KIAA1217: variants seen among roughly 807,000 people sequenced by gnomAD.
The protein encoded by KIAA1217 is KIAA1217, also known as sickle tail protein homolog.
A neutral mutation model predicts 163.9 loss-of-function variants in KIAA1217; 88 were observed. That is an observed-to-expected ratio of 0.54 (90% CI 0.45 to 0.64). The LOEUF is 0.64. Among genes scored for constraint, KIAA1217 ranks in the 30% least tolerant of loss-of-function variants. The probability of loss-of-function intolerance (pLI) is 0.00; values close to 1 mark genes in which losing one functional copy is unlikely to be tolerated. For missense variants in KIAA1217, 2,372 were observed against 2,475.0 expected, an observed-to-expected ratio of 0.96 and a Z score of 0.88; for synonymous variants, 903 against 923.1, an observed-to-expected ratio of 0.98 and a Z score of 0.39.
chr10:24,309,362 A>G (rs2042413283), intron 2 of KIAA1217, among the ~76,000 whole-genome samples: 1 of 151,572 alleles, frequency 6.6e-6, no homozygotes, highest in Non-Finnish European at 1.5e-5. Flanking sequence ...ACACACACAC[A>G]CACACACACA....
At chr10:24,198,586 A>G (rs1422085032) in intron 2 of KIAA1217, among the ~76,000 whole-genome samples, 4 of 151,564 alleles carry the variant, frequency 2.6e-5, no homozygotes, top group Admixed American at 6.6e-5. Context: ...TTATCTCGAA[A>G]AAAAAAAAAA....
intron 3 of KIAA1217, among the ~76,000 whole-genome samples, chr10:24,396,759 C>T (rs2130943583): frequency 6.6e-6 from 1 of 152,314 alleles, no homozygotes; most frequent in Non-Finnish European, 1.5e-5. Flanking sequence ...GGAATGATGT[C>T]AGAAAGGTAA....
intron 1 of KIAA1217, among the ~76,000 whole-genome samples, chr10:23,881,472 A>G (rs1238342309): frequency 6.6e-6 from 1 of 151,952 alleles, no homozygotes; most frequent in East Asian, 1.9e-4. Context: ...GGAAATGATG[A>G]CAAGCAGCAA....
chr10:23,837,997 C>G (rs1410228833), intron 1 of KIAA1217, among the ~76,000 whole-genome samples: 1 of 152,160 alleles, frequency 6.6e-6, no homozygotes, highest in African/African-American at 2.4e-5. Context: ...GCCAGCAGCC[C>G]TAACCCTCTT....
intron 2 of KIAA1217, among the ~76,000 whole-genome samples, chr10:24,238,531 GGA>G (rs1056095712): frequency 5.9e-5 from 9 of 152,052 alleles, no homozygotes; most frequent in African/African-American, 2.2e-4. Context: ...CAAAATATCT[GGA>G]TATGTTAGGA....
chr10:23,745,855 A>G (rs1339407690), intron 1 of KIAA1217, among the ~76,000 whole-genome samples: 1 of 152,232 alleles, frequency 6.6e-6, no homozygotes, highest in Non-Finnish European at 1.5e-5. Context: ...AATGAATAAA[A>G]TAATATGCAT....
At chr10:23,724,486 C>A (rs1838030333) in intron 1 of KIAA1217, among the ~76,000 whole-genome samples, 1 of 151,908 alleles carries the variant, frequency 6.6e-6, no homozygotes, top group Non-Finnish European at 1.5e-5. Context: ...TCATGCATTG[C>A]CTTTTATCTT....
At chr10:24,291,608 C>T (rs1486276654) in intron 2 of KIAA1217, among the ~76,000 whole-genome samples, 1 of 152,168 alleles carries the variant, frequency 6.6e-6, no homozygotes, top group African/African-American at 2.4e-5. Flanking sequence ...ACTTGTAAGG[C>T]AGTCTGTGGG....
intron 1 of KIAA1217, among the ~76,000 whole-genome samples, chr10:23,955,836 G>A (rs1844536099): frequency 6.6e-6 from 1 of 151,990 alleles, no homozygotes; most frequent in African/African-American, 2.4e-5. Flanking sequence ...ATTCCCTTTC[G>A]GTTCATTTTA....
At chr10:24,458,868 G>A (rs929665189) in intron 5 of KIAA1217, among the ~76,000 whole-genome samples, 2 of 152,112 alleles carry the variant, frequency 1.3e-5, no homozygotes, top group African/African-American at 2.4e-5. Flanking sequence ...GCTCACAGTA[G>A]AATGGAGATT....
chr10:24,337,190 T>C (rs919428526), intron 2 of KIAA1217, among the ~76,000 whole-genome samples: 3 of 152,240 alleles, frequency 2.0e-5, no homozygotes, highest in African/African-American at 7.2e-5. Flanking sequence ...TCAGAAGGTA[T>C]TTTTAAACTC....
chr10:24,170,383 A>G (rs938352278), intron 2 of KIAA1217, among the ~76,000 whole-genome samples: 1 of 152,210 alleles, frequency 6.6e-6, no homozygotes, highest in African/African-American at 2.4e-5. Context: ...TTTTCAAAGA[A>G]AACAGAGACA....
At chr10:23,887,374 T>C (rs1327917509) in intron 1 of KIAA1217, among the ~76,000 whole-genome samples, 1 of 151,926 alleles carries the variant, frequency 6.6e-6, no homozygotes, top group African/African-American at 2.4e-5. Context: ...GTTTCCATTG[T>C]TAATGTTCTT....
chr10:23,710,677 T>G (rs890759762), intron 1 of KIAA1217, among the ~76,000 whole-genome samples: 2 of 152,248 alleles, frequency 1.3e-5, no homozygotes, highest in South Asian at 4.1e-4. Context: ...GTTCAAGTTG[T>G]GTTGAACTTT....
At chr10:24,457,546 C>T (rs969998176) in intron 5 of KIAA1217, among the ~76,000 whole-genome samples, 1 of 152,070 alleles carries the variant, frequency 6.6e-6, no homozygotes, top group Admixed American at 6.5e-5. Context: ...CAGGCATGCA[C>T]CACCATGCCT....
At chr10:23,914,833 A>G (rs1351446380) in intron 1 of KIAA1217, among the ~76,000 whole-genome samples, 1 of 152,218 alleles carries the variant, frequency 6.6e-6, no homozygotes, top group Non-Finnish European at 1.5e-5. Flanking sequence ...GCAAGCTGCC[A>G]GTCTTGATGT....
intron 1 of KIAA1217, among the ~76,000 whole-genome samples, chr10:23,861,685 G>C (rs563685807): frequency 9.2e-5 from 14 of 152,206 alleles, no homozygotes; most frequent in Non-Finnish European, 1.9e-4. Flanking sequence ...AATAGGACGA[G>C]GATGCAGGTG....
intron 3 of KIAA1217, among the ~76,000 whole-genome samples, chr10:24,430,510 A>G (rs1225875450): frequency 6.6e-6 from 1 of 152,256 alleles, no homozygotes; most frequent in Admixed American, 6.5e-5. Context: ...TACATTTAGC[A>G]TGCACTTTAT....
At chr10:23,832,369 C>T (rs1838247328) in intron 1 of KIAA1217, among the ~76,000 whole-genome samples, 1 of 152,188 alleles carries the variant, frequency 6.6e-6, no homozygotes, top group African/African-American at 2.4e-5. Flanking sequence ...GGGCACACCG[C>T]ACTCCCGGAA....
Sources: gnomAD v4.1 joint callset for allele counts (sites outside exome capture counted in the v4.1 genomes callset) on GRCh38, gnomAD v4.1.1 for gene constraint, MANE v1.5 for transcripts, NCBI Gene and HGNC (gene_info 2026-07-23, HGNC 2026-07-21) for gene names.